SPATA16: variants seen among roughly 807,000 people sequenced by gnomAD.
SPATA16 encodes spermatogenesis-associated protein 16.
Under a neutral mutation model 63.3 loss-of-function variants are expected in SPATA16, and 36 were observed. The ratio of observed to expected loss-of-function variants is 0.57; its 90% confidence interval spans 0.44 to 0.75. The LOEUF is 0.75. SPATA16 is among the 30% of genes least tolerant of loss of function. The pLI is 0.00. For synonymous variants in SPATA16, 203 were observed against 216.7 expected (o/e 0.94, Z 0.56); for missense variants, 646 against 679.3 (o/e 0.95, Z 0.54).
intron 3 of SPATA16, among the ~76,000 whole-genome samples, chr3:173,042,631 T>A (rs1233357366): frequency 6.6e-6 from 1 of 152,186 alleles, no homozygotes; most frequent in Non-Finnish European, 1.5e-5. Context: ...CTGATATATT[T>A]TGATATTCAG....
chr3:173,051,571 A>G (rs146438013), intron 2 of SPATA16, among the ~76,000 whole-genome samples: 1 of 152,056 alleles, frequency 6.6e-6, no homozygotes, highest in Non-Finnish European at 1.5e-5. Context: ...TCCTGACCTC[A>G]AGTAATCTGC....
At chr3:172,923,077 A>G (rs1255106038) in intron 8 of SPATA16, among the ~76,000 whole-genome samples, 1 of 152,212 alleles carries the variant, frequency 6.6e-6, no homozygotes, top group Non-Finnish European at 1.5e-5. Flanking sequence ...AAATAATGCT[A>G]CACGGTGATG....
intron 5 of SPATA16, among the ~76,000 whole-genome samples, chr3:172,969,350 T>C (rs1456231981): frequency 1.3e-5 from 2 of 152,148 alleles, no homozygotes; most frequent in Non-Finnish European, 2.9e-5. Flanking sequence ...GGATCACCTG[T>C]GCAGGTCATC....
rs78940820 is a variant in SPATA16 at position 173,016,518 on chromosome 3, A to G, written c.848+2968T>C. Among the ~76,000 whole-genome samples, 822 of 152,310 alleles carry G rather than the reference A, an allele frequency of 5.4e-3. 7 individuals are homozygous for G. The highest frequency in any genetic ancestry group is 8.8e-3 in the Non-Finnish European group (600 of 68,034). On this transcript the variant is annotated intron_variant, in intron 4 of 10. Coordinates refer to ENST00000351008, the MANE Select transcript of SPATA16 (RefSeq NM_031955.6). ...GGGCTGATGCATTTCCTTTGGAATT[A>G]TGGTTTTAGGATCTCCTAAGTCACA...
chr3:173,105,573 G>T (rs893196515), intron 2 of SPATA16, among the ~76,000 whole-genome samples: 1 of 152,036 alleles, frequency 6.6e-6, no homozygotes, highest in Non-Finnish European at 1.5e-5. Flanking sequence ...TCCTTTTACA[G>T]TTCAGGTGGC....
At chr3:172,942,273 A>G (rs1733169781) in intron 6 of SPATA16, among the ~76,000 whole-genome samples, 1 of 152,166 alleles carries the variant, frequency 6.6e-6, no homozygotes, top group Non-Finnish European at 1.5e-5. Context: ...TTGACTACAT[A>G]AATAAGTAAT....
At chr3:173,029,018 T>C (rs1164291103) in intron 3 of SPATA16, among the ~76,000 whole-genome samples, 3 of 152,006 alleles carry the variant, frequency 2.0e-5, no homozygotes, top group Non-Finnish European at 4.4e-5. Flanking sequence ...CTATGTAATA[T>C]CAGATGAGGC....
At chr3:173,026,871 T>C (rs1444748410) in intron 3 of SPATA16, among the ~76,000 whole-genome samples, 3 of 151,928 alleles carry the variant, frequency 2.0e-5, no homozygotes, top group South Asian at 2.1e-4. Context: ...CCCAACTTTG[T>C]TCTTTTTTTT....
intron 2 of SPATA16, among the ~76,000 whole-genome samples, chr3:173,105,825 CTTCT>C: frequency 6.6e-6 from 1 of 151,206 alleles, no homozygotes; most frequent in East Asian, 1.9e-4. Flanking sequence ...TCCTTCCTTC[CTTCT>C]TTCCTTTCTC....
chr3:172,980,522 T>C (rs78889997), intron 4 of SPATA16, among the ~76,000 whole-genome samples: 2,166 of 152,308 alleles, frequency 0.014, 53 homozygotes, highest in African/African-American at 0.05. Context: ...TAACTGACGA[T>C]CGGCGGCTTA....
At chr3:173,069,041 C>T (rs1299401659) in intron 2 of SPATA16, among the ~76,000 whole-genome samples, 1 of 147,788 alleles carries the variant, frequency 6.8e-6, no homozygotes, top group African/African-American at 2.5e-5. Flanking sequence ...ACCCGGGAGG[C>T]GGAGCTTGCA....
chr3:173,045,993 G>T (rs1735948006), intron 3 of SPATA16, among the ~76,000 whole-genome samples: 1 of 151,470 alleles, frequency 6.6e-6, no homozygotes, highest in African/African-American at 2.4e-5. Context: ...ATAAAATTTT[G>T]CAATAAAAAT....
At chr3:173,047,058 A>G (rs1041355843) in intron 3 of SPATA16, among the ~76,000 whole-genome samples, 1 of 151,952 alleles carries the variant, frequency 6.6e-6, no homozygotes, top group Non-Finnish European at 1.5e-5. Flanking sequence ...AAGGTCTTGA[A>G]AAAGCATTCT....
At chr3:172,907,936 T>C (rs1732279686) in intron 10 of SPATA16, among the ~76,000 whole-genome samples, 2 of 152,318 alleles carry the variant, frequency 1.3e-5, no homozygotes, top group South Asian at 4.1e-4. Flanking sequence ...ACCAGATATT[T>C]GCATGATATG....
At chr3:172,912,632 A>C (rs147696779) in intron 10 of SPATA16, among the ~76,000 whole-genome samples, 2,932 of 152,156 alleles carry the variant, frequency 0.019, 30 homozygotes, top group Middle Eastern at 0.058. Context: ...ATGAATAGTA[A>C]ATATATTTTC....
At chr3:173,050,248 TA>T (rs1736054160) in intron 2 of SPATA16, among the ~76,000 whole-genome samples, 1 of 152,142 alleles carries the variant, frequency 6.6e-6, no homozygotes, top group African/African-American at 2.4e-5. Context: ...TAGCAAAGGC[TA>T]AAAAAGACTA....
intron 2 of SPATA16, among the ~76,000 whole-genome samples, chr3:173,089,071 T>C (rs1198664604): frequency 2.0e-5 from 3 of 152,164 alleles, no homozygotes; most frequent in Non-Finnish European, 2.9e-5. Flanking sequence ...ATAAAGCAGA[T>C]GTGTAGTTGG....
intron 6 of SPATA16, among the ~76,000 whole-genome samples, chr3:172,946,827 C>T (rs73882540): frequency 0.087 from 13,268 of 152,186 alleles, 1,930 homozygotes; most frequent in African/African-American, 0.3. Context: ...GACTGAACAG[C>T]CCTTGGGCCT....
At position 172,916,354 on chromosome 3, in the gene SPATA16, G is replaced by A. The variant is rs767677869; in HGVS notation, c.1466C>T (p.Pro489Leu). 6.2e-7 allele frequency: 1 copy of A among 1,613,550 alleles called. No homozygotes were observed. The highest frequency in any genetic ancestry group is 1.7e-5 in the Admixed American group (1 of 59,976). The change falls in exon 9 of 11, where the codon CCC becomes CTC. Residue 489 changes from proline (P) to leucine (L), a missense_variant. Pro to Leu is a moderately conservative substitution (Grantham distance 98, BLOSUM62 -3). Transcript: ENST00000351008. ...NQAMAELATIPYLQDISQQEA... is the reference protein window; with the variant it reads ...NQAMAELATILYLQDISQQEA... Reference sequence around the variant, plus strand: ...CTGTTGACTGATGTCCTGTAGGTAGGGAATGGTTGCTAGCTCTGCCATTGC... The same window carrying A: ...CTGTTGACTGATGTCCTGTAGGTAGAGAATGGTTGCTAGCTCTGCCATTGC...
Sources: allele counts gnomAD v4.1 joint callset (sites outside exome capture counted in the v4.1 genomes callset), GRCh38; gene constraint gnomAD v4.1.1; transcripts MANE v1.5; gene names NCBI Gene and HGNC (gene_info 2026-07-23, HGNC 2026-07-21).